The following NBPF26 variants were observed in gnomAD, a reference collection of about 807,000 sequenced individuals.
The protein encoded by NBPF26 is NBPF member 26, also known as NBPF family member NBPF26.
NBPF26 carries 79 observed loss-of-function variants against 119.6 expected under a neutral mutation model. The ratio of observed to expected loss-of-function variants is 0.66; its 90% CI spans 0.55 to 0.80. NBPF26 has a LOEUF of 0.80. Ranked by LOEUF, NBPF26 falls within the 30% of genes least tolerant of loss-of-function variation. NBPF26 has a pLI of 0.00. For missense variants in NBPF26, 800 were observed against 1,198.2 expected (o/e 0.67, Z 4.91); for synonymous variants, 299 against 457.7 (o/e 0.65, Z 4.43).
At position 120,743,755 on chromosome 1, in the gene NBPF26, G is replaced by A. The variant is rs1188176943; in HGVS notation, c.73+19505G>A. On this transcript the variant is annotated intron_variant, in intron 1 of 29. Transcript: ENST00000620612. ...GAGTTTGAAAAAACACCGTAAGCCT[G>A]CATTCCAGAAGTTCTGGTATGGATA... Among the ~76,000 whole-genome samples, 5 of 121,406 alleles carry A rather than the reference G, an allele frequency of 4.1e-5. 2 individuals are homozygous for A. The highest frequency in any genetic ancestry group is 1.8e-4 in the African/African-American group (5 of 27,064). 79.6% of individuals were successfully genotyped at this position (121,406 alleles called of 152,430 possible).
intron 7 of NBPF26, 61 bp downstream of exon 7, chr1:120,808,820 C>G (rs1403028497): frequency 2.1e-6 from 1 of 476,618 alleles, no homozygotes; most frequent in Non-Finnish European, 3.6e-6. Context: ...CTCCAGACCT[C>G]CATACTTTCA....
intron 8 of NBPF26, 94 bp from the exon 9 acceptor site, chr1:120,810,253 C>T (rs1331661253): frequency 8.5e-6 from 12 of 1,419,522 alleles, no homozygotes; most frequent in East Asian, 2.3e-5. Context: ...GAACCACTCT[C>T]TTAATGCCGC....
rs1331064069 is a variant in NBPF26 at position 120,759,307 on chromosome 1, G to A, written c.74-4321G>A. On this transcript the variant is annotated intron_variant, in intron 1 of 29. Coordinates refer to ENST00000620612, the Ensembl canonical transcript of NBPF26. ...TTTTTTTTTGGTGGAGTAGAGGAGGGCCTGCACAAACAGCAGAGACACACA... is the reference window on the plus strand; with the variant it reads ...TTTTTTTTTGGTGGAGTAGAGGAGGACCTGCACAAACAGCAGAGACACACA... 8.7e-5 allele frequency among the ~76,000 whole-genome samples: 3 copies of A among 34,416 alleles called. 1 individual carries two copies. Among genetic ancestry groups the A allele is most frequent in the Non-Finnish European group, 1.5e-4 (3 of 19,794 alleles). The allele number at this position is 34,416 out of a possible 152,430, so 22.6% of individuals were successfully genotyped here. A position where few individuals can be genotyped will look rare whatever the true frequency, so the allele number is the denominator to read the frequency against.
At chr1:120,823,834 A>T in intron 17 of NBPF26, 140 bp from the exon 18 acceptor site, 1 of 572,764 alleles carries the variant, frequency 1.7e-6, no homozygotes, top group Non-Finnish European at 3.1e-6. Flanking sequence ...CCCAACATAA[A>T]GGCAATAATC....
At position 120,812,204 on chromosome 1, in the gene NBPF26, C is replaced by T. The variant is rs1380802004; in HGVS notation, c.1774+109C>T. 3.8e-6 allele frequency: 3 copies of T among 791,950 alleles called. 1 individual carries two copies. Among genetic ancestry groups the T allele is most frequent in the Non-Finnish European group, 2.0e-6 (1 of 505,468 alleles). The allele number at this position is 791,950 out of a possible 1,614,324, so 49.1% of individuals were successfully genotyped here. ...AAATAATGTCATCCTCCCCGTACTTCTAGGAAAACAGAAATGGGTATTTTA... is the reference window on the plus strand; with the variant it reads ...AAATAATGTCATCCTCCCCGTACTTTTAGGAAAACAGAAATGGGTATTTTA... On this transcript the variant is annotated intron_variant, in intron 10 of 29. Coordinates refer to ENST00000620612, the Ensembl canonical transcript of NBPF26.
At chr1:120,825,124 A>C (rs1404929217) in intron 18 of NBPF26, among the ~76,000 whole-genome samples, 1 of 122,110 alleles carries the variant, frequency 8.2e-6, no homozygotes, top group Non-Finnish European at 1.6e-5. Flanking sequence ...TAGGTTGACC[A>C]TACCTCAAAG....
At position 120,743,723 on chromosome 1, in the gene NBPF26, T is replaced by C. The variant is rs1453104637; in HGVS notation, c.73+19473T>C. On this transcript the variant is annotated intron_variant, in intron 1 of 29. Transcript: ENST00000620612. The stretch of plus-strand genomic sequence containing the variant: ...GGGACCTTGTTCATTTTTTGAGAAC[T>C]AATGTAGAGTTTGAAAAAACACCGT... Among the ~76,000 whole-genome samples, 100 of 113,672 alleles carry C rather than the reference T, an allele frequency of 8.8e-4. 14 individuals are homozygous for C. The East Asian group carries it at 0.023, about 26-fold the overall frequency. 74.6% of individuals were successfully genotyped at this position (113,672 alleles called of 152,430 possible).
Position 120,752,587 on chromosome 1 carries a change from T to TCC in NBPF26, c.74-11041_74-11040insCC, listed in dbSNP as rs1651036424. Among the ~76,000 whole-genome samples, 4 of 40,252 alleles carry TCC rather than the reference T, an allele frequency of 9.9e-5. No individual in the cohort carries two copies. In the African/African-American group the frequency reaches 1.1e-3, roughly 11 times the overall value. 26.4% of individuals were successfully genotyped at this position (40,252 alleles called of 152,430 possible). Reference sequence around the variant, plus strand: ...TTTTTTTTTTTTTCTTTTTTTTTTTTTCAGGCAGAGTCTTGCTCTGTCGCC... The same window carrying TCC: ...TTTTTTTTTTTTTCTTTTTTTTTTTTCCTCAGGCAGAGTCTTGCTCTGTCGCC... On this transcript the variant is annotated intron_variant, in intron 1 of 29. Transcript: ENST00000620612.
In NBPF26 at chr1:120,791,428, A is replaced by G. The variant is rs1375895735; in HGVS notation, c.416-1733A>G. On this transcript the variant is annotated intron_variant, in intron 3 of 29. Coordinates refer to ENST00000620612, the Ensembl canonical transcript of NBPF26. ...TCCATCAATGATAGACTGGATTAAG[A>G]AAATGTGGCACATATACACCATGGA... Among the ~76,000 whole-genome samples the G allele has an allele frequency of 6.5e-5, 7 of 107,464 alleles. 1 individual carries two copies. The highest frequency in any genetic ancestry group is 1.2e-4 in the Non-Finnish European group (7 of 58,002). 70.5% of individuals were successfully genotyped at this position (107,464 alleles called of 152,430 possible). A position where few individuals can be genotyped will look rare whatever the true frequency, so the allele number is the denominator to read the frequency against.
Position 120,805,510 on chromosome 1 carries a change from T to A in NBPF26, c.752-46T>A, listed in dbSNP as rs1651658861. ...TCAGTCCTGATTAAACCGATTTGAT[T>A]TCACCAGTTTTTAACCCATCATATG... On this transcript the variant is annotated intron_variant, in intron 4 of 29. Coordinates refer to ENST00000620612, the Ensembl canonical transcript of NBPF26. 2 of 1,268,998 alleles carry A rather than the reference T, an allele frequency of 1.6e-6. 1 individual carries two copies. The highest frequency in any genetic ancestry group is 4.4e-5 in the African/African-American group (2 of 45,236). The allele number at this position is 1,268,998 out of a possible 1,614,324, so 78.6% of individuals were successfully genotyped here. A position where few individuals can be genotyped will look rare whatever the true frequency, so the allele number is the denominator to read the frequency against.
intron 5 of NBPF26, among the ~76,000 whole-genome samples, chr1:120,806,245 CA>C (rs2101491374): frequency 8.1e-6 from 1 of 123,426 alleles, no homozygotes; most frequent in East Asian, 2.0e-4. Context: ...TGAGGGGCTT[CA>C]AGGGGAGTCT....
rs1458697218 is a variant in NBPF26 at position 120,812,208 on chromosome 1, G to C, written c.1774+113G>C. 2.4e-4 allele frequency: 173 copies of C among 731,284 alleles called. 18 individuals carry two copies. The highest frequency in any genetic ancestry group is 1.4e-3 in the South Asian group (87 of 63,864). The allele number at this position is 731,284 out of a possible 1,614,324, so 45.3% of individuals were successfully genotyped here. ...AATGTCATCCTCCCCGTACTTCTAGGAAAACAGAAATGGGTATTTTAACAT... is the reference window on the plus strand; with the variant it reads ...AATGTCATCCTCCCCGTACTTCTAGCAAAACAGAAATGGGTATTTTAACAT... On this transcript the variant is annotated intron_variant, in intron 10 of 29. Transcript: ENST00000620612.
intron 10 of NBPF26, among the ~76,000 whole-genome samples, chr1:120,813,525 A>G (rs1204290580): frequency 7.8e-6 from 1 of 127,726 alleles, no homozygotes; most frequent in Non-Finnish European, 1.6e-5. Flanking sequence ...CAACTGTACA[A>G]GAAATCACTA....
chr1:120,840,664 A>G, downstream of NBPF26: 1 of 1,439,948 alleles, frequency 6.9e-7, no homozygotes, highest in South Asian at 1.2e-5. Flanking sequence ...ATTTGAATGA[A>G]AGTACAGTTC....
rs1353436557 is a variant in NBPF26 at position 120,763,423 on chromosome 1, G to A, written c.74-205G>A. ...ACAGAGAAATAAGAGCATCATTCAA[G>A]ACCACAAATGTGGTTATTGTTGGAA... On this transcript the variant is annotated intron_variant, in intron 1 of 29. Transcript: ENST00000620612. Among the ~76,000 whole-genome samples the A allele has an allele frequency of 1.8e-5, 2 of 108,720 alleles. 1 individual carries two copies. Among genetic ancestry groups the A allele is most frequent in the African/African-American group, 1.2e-4 (2 of 17,106 alleles). 71.3% of individuals were successfully genotyped at this position (108,720 alleles called of 152,430 possible). A position where few individuals can be genotyped will look rare whatever the true frequency, so the allele number is the denominator to read the frequency against.
chr1:120,838,489 G>GTT (rs1466404438), intron 27 of NBPF26, among the ~76,000 whole-genome samples: 6 of 61,778 alleles, frequency 9.7e-5, no homozygotes, highest in African/African-American at 4.1e-4. Context: ...CACTGAGCTC[G>GTT]TTCTCTCTCT....
chr1:120,765,722 A>T (rs1651183743), intron 2 of NBPF26, among the ~76,000 whole-genome samples: 1 of 115,924 alleles, frequency 8.6e-6, no homozygotes. Context: ...AAAGACTTGG[A>T]ACCAACCCAA....
Position 120,823,259 on chromosome 1 carries a change from G to A in NBPF26, c.2588-50G>A. On this transcript the variant is annotated intron_variant, in intron 16 of 29. Coordinates refer to ENST00000620612, the Ensembl canonical transcript of NBPF26. Reference sequence around the variant, plus strand: ...ATTGGACAGAGGAATGTTTCTGTGTGCAAGGAAGAACTGCTTAATGTAAGA... The same window carrying A: ...ATTGGACAGAGGAATGTTTCTGTGTACAAGGAAGAACTGCTTAATGTAAGA... The A allele has an allele frequency of 9.0e-6, 8 of 892,774 alleles. 1 individual carries two copies. The highest frequency in any genetic ancestry group is 2.7e-5 in the South Asian group (2 of 73,260). 55.3% of individuals were successfully genotyped at this position (892,774 alleles called of 1,614,324 possible). A position where few individuals can be genotyped will look rare whatever the true frequency, so the allele number is the denominator to read the frequency against.
At chr1:120,820,489 T>TATAC (rs1652110973) in intron 15 of NBPF26, among the ~76,000 whole-genome samples, 3 of 23,508 alleles carry the variant, frequency 1.3e-4, no homozygotes, top group African/African-American at 3.0e-4. Flanking sequence ...TATATATATA[T>TATAC]ACATACACAC....
Sources: gnomAD v4.1 joint callset for allele counts (sites outside exome capture counted in the v4.1 genomes callset) on GRCh38, gnomAD v4.1.1 for gene constraint, MANE v1.5 for transcripts, NCBI Gene and HGNC (gene_info 2026-07-23, HGNC 2026-07-21) for gene names.